TREML4: variants seen among roughly 807,000 people sequenced by gnomAD.
The protein encoded by TREML4 is triggering receptor expressed on myeloid cells like 4, also known as trem-like transcript 4 protein.
A neutral mutation model predicts 25.4 loss-of-function variants in TREML4; 25 were observed. That is an observed-to-expected ratio of 0.98 (90% CI 0.72 to 1.37). The LOEUF (loss-of-function observed/expected upper bound fraction) is 1.37. Ranked by LOEUF, TREML4 falls within the 40% of genes most tolerant of loss-of-function variation. TREML4 has a pLI of 0.00. For missense variants in TREML4, 268 were observed against 236.5 expected, an observed-to-expected ratio of 1.13 and a Z score of -0.87; for synonymous variants, 92 against 87.9, an observed-to-expected ratio of 1.05 and a Z score of -0.26.
intron 2 of TREML4, 98 bp from the exon 3 acceptor site, chr6:41,229,423 G>A (rs775069134): frequency 1.3e-4 from 165 of 1,300,530 alleles, no homozygotes; most frequent in Non-Finnish European, 1.8e-4. Context: ...ACATCCTGAG[G>A]GTCTGGCTCT....
chr6:41,230,020 T>C (rs756426103), intron 3 of TREML4, 42 bp from the exon 4 acceptor site: 1 of 1,533,258 alleles, frequency 6.5e-7, no homozygotes, highest in Non-Finnish European at 9.0e-7. Context: ...TTCTCTATTC[T>C]GGTGCCCTGG....
rs2113946542 is a variant in TREML4, at chr6:41,238,633, T to C, written c.*1614T>C. 1 of 152,306 alleles carries C rather than the reference T, an allele frequency of 6.6e-6. No individual in the cohort carries two copies. The highest frequency in any genetic ancestry group is 3.4e-3 in the Middle Eastern group (1 of 294). The allele number at this position is 152,306 out of a possible 1,614,324, so 9.4% of individuals were successfully genotyped here. On this transcript the variant is annotated 3_prime_UTR_variant, in exon 6 of 6. Coordinates refer to ENST00000341495, the MANE Select transcript of TREML4 (RefSeq NM_198153.3). ...AGGTGGCATCAGCTGGGTTGTGGGA[T>C]CTCAGACATCTAATTAATACTGCCA... is the stretch of plus-strand genomic sequence containing the variant.
At position 41,229,962 on chromosome 6, in the gene TREML4, C is replaced by T. The variant is rs530230946; in HGVS notation, c.446-100C>T. The T allele has an allele frequency of 7.0e-5, 70 of 999,206 alleles. No homozygotes were observed. In the South Asian group the frequency reaches 8.5e-4, roughly 12 times the overall value. 61.9% of individuals were successfully genotyped at this position (999,206 alleles called of 1,614,324 possible). A position where few individuals can be genotyped will look rare whatever the true frequency, so the allele number is the denominator to read the frequency against. Reference sequence around the variant, plus strand: ...TAGCCTGAGGGACCCTTAGGGGCTGCCTCTGGCCCCTCTCCCCTTCCTCTC... The same window carrying T: ...TAGCCTGAGGGACCCTTAGGGGCTGTCTCTGGCCCCTCTCCCCTTCCTCTC... On this transcript the variant is annotated intron_variant, in intron 3 of 5. Transcript: ENST00000341495.
At chr6:41,231,355 T>G (rs1414524019) in intron 4 of TREML4, among the ~76,000 whole-genome samples, 1 of 151,926 alleles carries the variant, frequency 6.6e-6, no homozygotes, top group Non-Finnish European at 1.5e-5. Context: ...GCTAGAGGAT[T>G]TAGTCTTCGG....
intron 3 of TREML4, 104 bp downstream of exon 3, chr6:41,229,675 T>A: frequency 7.9e-7 from 1 of 1,262,096 alleles, no homozygotes; most frequent in South Asian, 1.2e-5. Context: ...CTCTGAGGAC[T>A]GATCTCTTGG....
intron 1 of TREML4, 92 bp from the exon 2 acceptor site, chr6:41,228,622 G>T: frequency 6.6e-7 from 1 of 1,507,476 alleles, no homozygotes; most frequent in Non-Finnish European, 9.0e-7. Flanking sequence ...ATCAGAACTA[G>T]TTCCCCCTCC....
chr6:41,230,724 A>G (rs1766780345), intron 4 of TREML4, among the ~76,000 whole-genome samples: 2 of 152,194 alleles, frequency 1.3e-5, no homozygotes, highest in Non-Finnish European at 1.5e-5. Flanking sequence ...TAGATTACAA[A>G]CAGACTATCT....
At chr6:41,229,218 G>A (rs1843099) in intron 2 of TREML4, among the ~76,000 whole-genome samples, 174 bp downstream of exon 2, 107,609 of 151,662 alleles carry the variant, frequency 0.71, 39,812 homozygotes, top group East Asian at 0.87. Context: ...TCCTCCACCC[G>A]GTACATCCTG....
intron 4 of TREML4, among the ~76,000 whole-genome samples, chr6:41,233,458 G>A (rs1429417915): frequency 6.6e-6 from 1 of 152,042 alleles, no homozygotes; most frequent in African/African-American, 2.4e-5. Context: ...GAACAAAATA[G>A]AATTTAAGGT....
chr6:41,228,905 C>T lies in TREML4; in HGVS notation c.255C>T (p.Asp85=). Residue 85 remains aspartate (D), a synonymous_variant, in exon 2 of 6, where the codon GAC becomes GAT. Transcript: ENST00000341495. ...AGAAGTCTCATTACACAATCTGGGA[C>T]AAGCCCAATGCTGGCTTCTTCAACA... ...AVQKSHYTIW[D]KPNAGFFNIT... is the part of the protein sequence containing the mutation. 1.2e-6 allele frequency: 2 copies of T among 1,614,184 alleles called. No individual in the cohort carries two copies. Among genetic ancestry groups the T allele is most frequent in the Non-Finnish European group, 1.7e-6 (2 of 1,180,032 alleles).
At chr6:41,233,237 G>A (rs1318016849) in intron 4 of TREML4, among the ~76,000 whole-genome samples, 1 of 152,046 alleles carries the variant, frequency 6.6e-6, no homozygotes, top group African/African-American at 2.4e-5. Context: ...AAATAAAAAG[G>A]TAGAATCAAG....
chr6:41,228,480 C>T lies in TREML4; in HGVS notation c.53C>T (p.Ser18Phe), dbSNP rs1039474860. 8 of 1,612,718 alleles carry T rather than the reference C, an allele frequency of 5.0e-6. No individual in the cohort carries two copies. Among genetic ancestry groups the T allele is most frequent in the African/African-American group, 1.3e-5 (1 of 74,864 alleles). ...TCCFHLCCCC[S>F]WPQGAVPEEL... ...TGCTTCCACCTGTGCTGCTGCTGCT[C>T]CTGGCCTCAGGTGACATGGAGGGAA... The change falls in exon 1 of 6, where the codon TCC becomes TTC. Residue 18 changes from serine (S) to phenylalanine (F), a missense_variant. Transcript: ENST00000341495.
Position 41,238,239 on chromosome 6 carries a change from C to G in TREML4, c.*1220C>G, listed in dbSNP as rs922776735. 2.0e-5 allele frequency: 3 copies of G among 152,198 alleles called. No homozygotes were observed. The highest frequency in any genetic ancestry group is 7.2e-5 in the African/African-American group (3 of 41,446). 9.4% of individuals were successfully genotyped at this position (152,198 alleles called of 1,614,324 possible). A position where few individuals can be genotyped will look rare whatever the true frequency, so the allele number is the denominator to read the frequency against. ...TATTTATTTTTTTAATCCTCATTCC[C>G]TATGTCCACTTGCCTTCCTCTCCGA... On this transcript the variant is annotated 3_prime_UTR_variant, in exon 6 of 6. Transcript: ENST00000341495.
At chr6:41,229,475 C>T (rs771030572) in intron 2 of TREML4, 46 bp from the exon 3 acceptor site, 35 of 1,608,744 alleles carry the variant, frequency 2.2e-5, no homozygotes, top group Non-Finnish European at 3.0e-5. Flanking sequence ...ACCCTACTCT[C>T]TTCTGGGCCC....
At chr6:41,235,631 T>C (rs1345022923) in intron 4 of TREML4, among the ~76,000 whole-genome samples, 1 of 152,132 alleles carries the variant, frequency 6.6e-6, no homozygotes, top group Non-Finnish European at 1.5e-5. Context: ...GAGAAAAGTA[T>C]AAAATGCTAA....
chr6:41,231,478 C>A (rs1766798372), intron 4 of TREML4, among the ~76,000 whole-genome samples: 1 of 152,076 alleles, frequency 6.6e-6, no homozygotes, highest in Admixed American at 6.5e-5. Context: ...GAAACACACC[C>A]AACAATAGAA....
rs1421063379 is a variant in TREML4 at position 41,228,973 on chromosome 6, G to A, written c.323G>A (p.Trp108Ter). ...QLTQNDSGFY[W>*]CGIYNASENI... is the part of the protein sequence containing the mutation. ...ACACAGAATGACTCGGGATTCTACT[G>A]GTGTGGAATCTACAACGCTTCCGAA... is the stretch of plus-strand genomic sequence containing the variant. Residue 108 changes from tryptophan to a stop codon, truncating the protein, a stop_gained, in exon 2 of 6, where the codon TGG becomes TAG. Transcript: ENST00000341495. LOFTEE classifies it high-confidence loss of function. The A allele has an allele frequency of 1.9e-6, 3 of 1,613,900 alleles. No individual in the cohort carries two copies. The East Asian group carries it at 6.7e-5, about 36-fold the overall frequency.
Position 41,230,111 on chromosome 6 carries a change from C to CT in TREML4, c.496dup (p.Ser166PhefsTer2). On this transcript the variant is annotated frameshift_variant, in exon 4 of 6. Transcript: ENST00000341495. LOFTEE classifies it high-confidence loss of function. ...CCTCTGGCCATCCCTCCATCAATGGCTCTGAGACCAGGTAGGTCAGAGGTT... is the reference window on the plus strand; with the variant it reads ...CCTCTGGCCATCCCTCCATCAATGGCTTCTGAGACCAGGTAGGTCAGAGGTT... 6.2e-7 allele frequency: 1 copy of CT among 1,611,316 alleles called. No homozygotes were observed. Among genetic ancestry groups the CT allele is most frequent in the Non-Finnish European group, 8.5e-7 (1 of 1,177,430 alleles).
At chr6:41,232,946 G>A (rs1766830501) in intron 4 of TREML4, among the ~76,000 whole-genome samples, 1 of 152,216 alleles carries the variant, frequency 6.6e-6, no homozygotes, top group South Asian at 2.1e-4. Flanking sequence ...GTACTGGTCT[G>A]TGACTCAGGG....
Sources: gnomAD v4.1 joint callset for allele counts (sites outside exome capture counted in the v4.1 genomes callset) on GRCh38, gnomAD v4.1.1 for gene constraint, MANE v1.5 for transcripts, NCBI Gene and HGNC (gene_info 2026-07-23, HGNC 2026-07-21) for gene names.